Variants in RBFOX1 observed in about 807,000 individuals in gnomAD.
The protein encoded by RBFOX1 is RNA binding fox-1 homolog 1.
A neutral mutation model predicts 57.7 loss-of-function variants in RBFOX1; 8 were observed. The ratio of observed to expected loss-of-function variants is 0.14; its 90% confidence interval spans 0.08 to 0.25. The LOEUF (loss-of-function observed/expected upper bound fraction) is 0.25. Ranked by LOEUF, RBFOX1 falls within the 10% of genes least tolerant of loss-of-function variation. The pLI, the probability that RBFOX1 is intolerant of heterozygous loss-of-function variation, is 1.00. For missense variants in RBFOX1, 611 were observed against 548.5 expected (o/e 1.11, Z -1.14); for synonymous variants, 326 against 222.4 (o/e 1.47, Z -4.15).
intron 3 of RBFOX1, among the ~76,000 whole-genome samples, chr16:5,617,910 T>C (rs980830681): frequency 1.3e-5 from 2 of 152,220 alleles, no homozygotes; most frequent in Non-Finnish European, 2.9e-5. Context: ...TCTTACCTGG[T>C]ATCTACTAGG....
chr16:5,732,319 A>G (rs1011349318), intron 3 of RBFOX1, among the ~76,000 whole-genome samples: 4 of 152,234 alleles, frequency 2.6e-5, no homozygotes, highest in African/African-American at 7.2e-5. Context: ...GAGGGAACGT[A>G]CCTTCTTCAT....
intron 4 of RBFOX1, among the ~76,000 whole-genome samples, chr16:5,897,786 C>T (rs962275772): frequency 6.6e-6 from 1 of 151,778 alleles, no homozygotes; most frequent in East Asian, 1.9e-4. Flanking sequence ...GAGCATCTCT[C>T]AAGACAGCCA....
chr16:6,765,181 G>T (rs2077160292), intron 3 of RBFOX1, among the ~76,000 whole-genome samples: 1 of 152,150 alleles, frequency 6.6e-6, no homozygotes, highest in Admixed American at 6.5e-5. Flanking sequence ...TCTGAATGCA[G>T]CACGTGGTAA....
intron 3 of RBFOX1, among the ~76,000 whole-genome samples, chr16:6,676,372 C>G (rs115118523): frequency 0.016 from 2,452 of 152,138 alleles, 76 homozygotes; most frequent in African/African-American, 0.056. Flanking sequence ...TTTACAATGG[C>G]AGCGCCTGCC....
intron 3 of RBFOX1, among the ~76,000 whole-genome samples, chr16:7,006,993 G>C (rs1234415077): frequency 1.3e-5 from 2 of 152,088 alleles, no homozygotes; most frequent in African/African-American, 4.8e-5. Flanking sequence ...TTGGCACCTT[G>C]AAATAACAAA....
chr16:6,757,999 C>G (rs939510446), intron 3 of RBFOX1, among the ~76,000 whole-genome samples: 2 of 152,140 alleles, frequency 1.3e-5, no homozygotes, highest in East Asian at 1.9e-4. Flanking sequence ...GCGGCAGACC[C>G]TGTCCTCTAT....
At chr16:6,981,513 A>G (rs902397091) in intron 3 of RBFOX1, among the ~76,000 whole-genome samples, 32 of 152,186 alleles carry the variant, frequency 2.1e-4, no homozygotes, top group African/African-American at 7.2e-4. Context: ...TCATGCTGCT[A>G]ATAAAGACGT....
At chr16:6,808,789 C>G (rs547688452) in intron 3 of RBFOX1, among the ~76,000 whole-genome samples, 1 of 152,138 alleles carries the variant, frequency 6.6e-6, no homozygotes, top group Non-Finnish European at 1.5e-5. Flanking sequence ...GTATCTGTGT[C>G]TTCTCCCAGT....
chr16:6,692,495 CAAAG>C (rs892549321), intron 3 of RBFOX1, among the ~76,000 whole-genome samples: 8 of 152,170 alleles, frequency 5.3e-5, no homozygotes, highest in Admixed American at 5.2e-4. Flanking sequence ...TGTGGCCTAA[CAAAG>C]AAACAAACAG....
chr16:5,290,445 T>G lies in RBFOX1; in HGVS notation c.219+50340T>G, dbSNP rs553154670. ...GGGTTTCTTTTTGGGGTGATGAAAA[T>G]GTTTTAAAATTGATCCTGATGGTGG... On this transcript the variant is annotated intron_variant, in intron 1 of 2. Transcript: ENST00000585867. 2.0e-5 allele frequency among the ~76,000 whole-genome samples: 3 copies of G among 152,210 alleles called. No homozygotes were observed. In the South Asian group the frequency reaches 6.2e-4, roughly 32 times the overall value.
rs115331245 is a variant in RBFOX1 at position 6,928,992 on chromosome 16, G to A, written c.-15-123065G>A. ...AAGTAAAGATGTTCACGGTGCAAGC[G>A]TCATTCACAGACACGCATGCTTGAG... On this transcript the variant is annotated intron_variant, in intron 3 of 15. Transcript: ENST00000550418. Among the ~76,000 whole-genome samples the A allele has an allele frequency of 3.3e-3, 501 of 152,216 alleles. 4 individuals carry two copies. The highest frequency in any genetic ancestry group is 0.011 in the African/African-American group (448 of 41,516).
rs532888016 is a variant in RBFOX1, at chr16:6,380,526, G to A, written c.-64+63469G>A. Among the ~76,000 whole-genome samples the A allele has an allele frequency of 2.7e-5, 4 of 148,572 alleles. No homozygotes were observed. The South Asian group carries it at 6.5e-4, about 24-fold the overall frequency. ...TAGAGATGGCAGCACAGAAAGGAAG[G>A]TGAGTTGAAGTTCTGGGGGGAAAAT... is the stretch of plus-strand genomic sequence containing the variant. On this transcript the variant is annotated intron_variant, in intron 2 of 15. Coordinates refer to ENST00000550418, the MANE Select transcript of RBFOX1 (RefSeq NM_018723.4).
chr16:7,181,515 C>G lies in RBFOX1; in HGVS notation c.27+129417C>G, dbSNP rs188603925. Among the ~76,000 whole-genome samples, 710 of 151,620 alleles carry G rather than the reference C, an allele frequency of 4.7e-3. 4 individuals are homozygous for G. The highest frequency in any genetic ancestry group is 7.1e-3 in the Non-Finnish European group (483 of 67,946). On this transcript the variant is annotated intron_variant, in intron 4 of 15. Transcript: ENST00000550418. ...AATTCCTTCCTTCCTTCTTCCCTCC[C>G]TCCCTCTTCCCTCCCTTGCTCTCTC...
At chr16:6,801,217 A>AAAAAAAG (rs1555483273) in intron 3 of RBFOX1, among the ~76,000 whole-genome samples, 1 of 145,294 alleles carries the variant, frequency 6.9e-6, no homozygotes, top group Non-Finnish European at 1.5e-5. Context: ...AAAAAAAAAA[A>AAAAAAAG]GTAACGTTAC....
intron 4 of RBFOX1, among the ~76,000 whole-genome samples, chr16:5,916,682 C>T (rs1157742082): frequency 6.6e-6 from 1 of 152,044 alleles, no homozygotes; most frequent in African/African-American, 2.4e-5. Context: ...TGGTAAGCCC[C>T]ACAGGTGGTT....
chr16:7,423,356 G>T (rs2098563481), intron 4 of RBFOX1, among the ~76,000 whole-genome samples: 1 of 152,000 alleles, frequency 6.6e-6, no homozygotes, highest in Non-Finnish European at 1.5e-5. Context: ...ATAAAAAGTT[G>T]TGGGGGGTGG....
At chr16:6,728,274 G>C (rs1338110745) in intron 3 of RBFOX1, among the ~76,000 whole-genome samples, 2 of 152,166 alleles carry the variant, frequency 1.3e-5, no homozygotes, top group Non-Finnish European at 2.9e-5. Context: ...GCAGTTTTCA[G>C]CTTGGGGAAA....
At chr16:7,346,374 A>G (rs147994232) in intron 4 of RBFOX1, among the ~76,000 whole-genome samples, 2 of 151,740 alleles carry the variant, frequency 1.3e-5, no homozygotes, top group Non-Finnish European at 2.9e-5. Context: ...TTTCTTTAGT[A>G]TTTGGTTCTA....
intron 2 of RBFOX1, among the ~76,000 whole-genome samples, chr16:6,471,265 A>G (rs1446944504): frequency 3.9e-5 from 6 of 152,202 alleles, no homozygotes; most frequent in Non-Finnish European, 8.8e-5. Context: ...CAACTCAAGC[A>G]TCATCACCTT....
Sources: gnomAD v4.1 joint callset for allele counts (sites outside exome capture counted in the v4.1 genomes callset) on GRCh38, gnomAD v4.1.1 for gene constraint, MANE v1.5 for transcripts, NCBI Gene and HGNC (gene_info 2026-07-23, HGNC 2026-07-21) for gene names.